Variants in AGTPBP1 observed in about 807,000 individuals in gnomAD.
AGTPBP1 encodes ATP/GTP binding carboxypeptidase 1, also known as cytosolic carboxypeptidase 1.
A neutral mutation model predicts 143.9 loss-of-function variants in AGTPBP1; 70 were observed. The observed-to-expected ratio is 0.49, with a 90% confidence interval of 0.40 to 0.59. The LOEUF (loss-of-function observed/expected upper bound fraction) is 0.59. Ranked by LOEUF, AGTPBP1 falls within the 20% of genes least tolerant of loss-of-function variation. The pLI, the probability that AGTPBP1 is intolerant of heterozygous loss-of-function variation, is 0.00. For synonymous variants in AGTPBP1, 463 were observed against 500.2 expected (o/e 0.93, Z 0.99); for missense variants, 1,229 against 1,464.5 (o/e 0.84, Z 2.62).
rs1838021794 is a variant in AGTPBP1 at position 85,720,340 on chromosome 9, C to A, written c.-33-7774G>T. Among the ~76,000 whole-genome samples the A allele has an allele frequency of 2.0e-5, 3 of 152,062 alleles. No homozygotes were observed. In the South Asian group the frequency reaches 6.2e-4, roughly 31 times the overall value. On this transcript the variant is annotated intron_variant, in intron 1 of 25. Transcript: ENST00000357081. ...ATTAATTGTTGCCTCAATTTCAGAA[C>A]CTGTTATTGGTCTATTCAGAGATTC...
rs561995186 is a variant in AGTPBP1 at position 85,589,055 on chromosome 9, T to C, written c.2722+473A>G. Among the ~76,000 whole-genome samples the C allele has an allele frequency of 3.3e-5, 5 of 152,246 alleles. No homozygotes were observed. The East Asian group carries it at 9.6e-4, about 29-fold the overall frequency. Reference sequence around the variant, plus strand: ...GAAATACTTCGCCTTCTTATCAAAATTGAAAGTTTTATTTTTATTACTACA... The same window carrying C: ...GAAATACTTCGCCTTCTTATCAAAACTGAAAGTTTTATTTTTATTACTACA... On this transcript the variant is annotated intron_variant, in intron 20 of 25. Coordinates refer to ENST00000357081, the MANE Select transcript of AGTPBP1 (RefSeq NM_001330701.2).
chr9:85,614,283 T>C (rs1830485754), intron 17 of AGTPBP1, among the ~76,000 whole-genome samples: 1 of 151,908 alleles, frequency 6.6e-6, no homozygotes, highest in South Asian at 2.1e-4. Context: ...AAGTACCAAC[T>C]CAGAAACTGT....
intron 25 of AGTPBP1, among the ~76,000 whole-genome samples, chr9:85,551,407 C>G (rs1826031304): frequency 6.6e-6 from 1 of 152,122 alleles, no homozygotes; most frequent in Non-Finnish European, 1.5e-5. Flanking sequence ...CCCTTTGTAC[C>G]TTGCACATTC....
intron 17 of AGTPBP1, among the ~76,000 whole-genome samples, chr9:85,602,887 G>A (rs1338221859): frequency 1.3e-5 from 2 of 152,126 alleles, no homozygotes; most frequent in African/African-American, 4.8e-5. Context: ...CTTTGCATTG[G>A]AACTCAGTGC....
intron 17 of AGTPBP1, among the ~76,000 whole-genome samples, chr9:85,612,333 G>A (rs896680185): frequency 6.6e-6 from 1 of 152,088 alleles, no homozygotes; most frequent in African/African-American, 2.4e-5. Flanking sequence ...TAATCATATC[G>A]ATGTGATGAA....
At chr9:85,655,694 C>CAA (rs11366562) in intron 10 of AGTPBP1, among the ~76,000 whole-genome samples, 3 of 148,656 alleles carry the variant, frequency 2.0e-5, no homozygotes, top group Admixed American at 2.0e-4. Context: ...AATTAAAAAA[C>CAA]AAAAAAAAAA....
chr9:85,594,444 C>T (rs117006234), intron 18 of AGTPBP1, among the ~76,000 whole-genome samples: 27 of 152,136 alleles, frequency 1.8e-4, no homozygotes, highest in African/African-American at 5.1e-4. Flanking sequence ...CAAAATTAGC[C>T]GGTTCACAAC....
chr9:85,633,820 C>A (rs543803261), intron 13 of AGTPBP1, among the ~76,000 whole-genome samples: 1 of 149,160 alleles, frequency 6.7e-6, no homozygotes, highest in Non-Finnish European at 1.5e-5. Context: ...AGAGGACTGT[C>A]AATACAACAA....
intron 25 of AGTPBP1, among the ~76,000 whole-genome samples, chr9:85,548,001 T>C (rs76566220): frequency 0.012 from 1,807 of 152,272 alleles, 37 homozygotes; most frequent in African/African-American, 0.041. Flanking sequence ...TTTCTCCCCA[T>C]TTGTGAGATT....
intron 3 of AGTPBP1, among the ~76,000 whole-genome samples, chr9:85,682,172 TAAA>T (rs745339958): frequency 0.023 from 1,928 of 85,664 alleles, 12 homozygotes; most frequent in Middle Eastern, 0.085. Flanking sequence ...TAGGATTGGT[TAAA>T]AAAAAAAAAA....
chr9:85,792,356 C>A, the AGTPBP1 span: 1 of 152,120 alleles, frequency 6.6e-6, no homozygotes, highest in African/African-American at 2.4e-5. Flanking sequence ...TTCTAGCATG[C>A]TTTTTCTAGA....
chr9:85,685,304 T>G (rs2134196954), intron 3 of AGTPBP1, among the ~76,000 whole-genome samples: 1 of 151,896 alleles, frequency 6.6e-6, no homozygotes, highest in South Asian at 2.1e-4. Context: ...AAGAAAACTA[T>G]AGCCAGTCAA....
rs115241131 is a variant in AGTPBP1, at chr9:85,678,192, A to G, written c.289+143T>C. On this transcript the variant is annotated intron_variant, in intron 5 of 25. Coordinates refer to ENST00000357081, the MANE Select transcript of AGTPBP1 (RefSeq NM_001330701.2). ...AGATACCAAAAATAAAGCAACAACAACAAACTATGACATTTCAGTTTCTAA... is the reference window on the plus strand; with the variant it reads ...AGATACCAAAAATAAAGCAACAACAGCAAACTATGACATTTCAGTTTCTAA... The G allele has an allele frequency of 1.9e-3, 1,028 of 533,258 alleles. 5 individuals carry two copies. Among genetic ancestry groups the G allele is most frequent in the African/African-American group, 0.019 (956 of 50,894 alleles). The allele number at this position is 533,258 out of a possible 1,614,324, so 33.0% of individuals were successfully genotyped here.
At position 85,681,273 on chromosome 9, in the gene AGTPBP1, A is replaced by G. The variant is rs1835154303; in HGVS notation, c.220T>C (p.Leu74=). 2 of 1,612,658 alleles carry G rather than the reference A, an allele frequency of 1.2e-6. No homozygotes were observed. Among genetic ancestry groups the G allele is most frequent in the African/African-American group, 1.3e-5 (1 of 74,856 alleles). ...STGMEILLST[L]ENTKDLQTTL... ...AAAGCGTGTCACTGATTTACCTCTA[A>G]TGTTGACAGCAGAATTTCCATTCCT... The change falls in exon 4 of 26, where the codon TTA becomes CTA. Residue 74 remains leucine (L), a synonymous_variant. Transcript: ENST00000357081.
At chr9:85,705,802 T>C (rs539009750) in intron 2 of AGTPBP1, among the ~76,000 whole-genome samples, 36 of 152,216 alleles carry the variant, frequency 2.4e-4, no homozygotes, top group Non-Finnish European at 5.0e-4. Context: ...GCTATTCTCC[T>C]GCCTCAGCCT....
At chr9:85,801,079 AG>A in the AGTPBP1 span, among the ~76,000 whole-genome samples, 1 of 152,126 alleles carries the variant, frequency 6.6e-6, no homozygotes, top group African/African-American at 2.4e-5. Context: ...TGGGAGGCTG[AG>A]GTGGGTGGAT....
chr9:85,554,905 T>C lies in AGTPBP1; in HGVS notation c.3504-7619A>G, dbSNP rs117744308. Among the ~76,000 whole-genome samples the C allele has an allele frequency of 1.8e-4, 27 of 152,102 alleles. No individual in the cohort carries two copies. The East Asian group carries it at 4.8e-3, about 27-fold the overall frequency. On this transcript the variant is annotated intron_variant, in intron 25 of 25. Coordinates refer to ENST00000357081, the MANE Select transcript of AGTPBP1 (RefSeq NM_001330701.2). ...GAGAATCAAATGGAAAACCTAGAAA[T>C]GAAAAATATATAACTGAAATTAAGA... is the stretch of plus-strand genomic sequence containing the variant.
intron 18 of AGTPBP1, among the ~76,000 whole-genome samples, chr9:85,595,120 A>G (rs1829213438): frequency 6.6e-6 from 1 of 152,232 alleles, no homozygotes; most frequent in Non-Finnish European, 1.5e-5. Context: ...CATTTTGCTA[A>G]TAAGAGTAAG....
At chr9:85,759,722 A>G in the AGTPBP1 span, among the ~76,000 whole-genome samples, 1 of 152,210 alleles carries the variant, frequency 6.6e-6, no homozygotes, top group Non-Finnish European at 1.5e-5. Flanking sequence ...CTAGAGAAGC[A>G]AGAGCAAACA....
Sources: allele counts gnomAD v4.1 joint callset (sites outside exome capture counted in the v4.1 genomes callset), GRCh38; gene constraint gnomAD v4.1.1; transcripts MANE v1.5; gene names NCBI Gene and HGNC (gene_info 2026-07-23, HGNC 2026-07-21).